Variants in C3orf49 observed in about 807,000 individuals in gnomAD.
C3orf49 encodes the protein putative uncharacterized protein C3orf49.
In C3orf49, 27 loss-of-function variants were observed where a neutral mutation model predicts 13.3. The observed-to-expected ratio is 2.02, with a 90% CI of 1.49 to 2.79. The LOEUF (loss-of-function observed/expected upper bound fraction) is 2.79, where lower values mean the gene tolerates loss of function less well. Among genes scored for constraint, C3orf49 ranks in the 30% most tolerant of loss-of-function variants. The pLI, the probability that C3orf49 is intolerant of heterozygous loss-of-function variation, is 0.00. For synonymous variants in C3orf49, 87 were observed against 47.6 expected (o/e 1.83, Z -3.40); for missense variants, 242 against 134.2 (o/e 1.80, Z -3.97).
chr3:63,838,877 A>G (rs564798362), intron 5 of C3orf49, among the ~76,000 whole-genome samples: 2 of 152,324 alleles, frequency 1.3e-5, no homozygotes, highest in South Asian at 4.1e-4. Flanking sequence ...CAAATGAGAA[A>G]AAGTTTGCTA....
In C3orf49 at chr3:63,848,599, T is replaced by G. The variant is rs1325845053; in HGVS notation, c.*266T>G. 4 of 152,234 alleles carry G rather than the reference T, an allele frequency of 2.6e-5. No homozygotes were observed. Among genetic ancestry groups the G allele is most frequent in the African/African-American group, 9.6e-5 (4 of 41,460 alleles). 9.4% of individuals were successfully genotyped at this position (152,234 alleles called of 1,614,324 possible). A position where few individuals can be genotyped will look rare whatever the true frequency, so the allele number is the denominator to read the frequency against. On this transcript the variant is annotated 3_prime_UTR_variant, in exon 7 of 7. Transcript: ENST00000295896. ...CAGGACCTCCTGATGCTGTGGCATG[T>G]CTTTAACCTTGGCAAAATAAACTCC...
At chr3:63,827,255 C>A in intron 2 of C3orf49, 1 of 171,740 alleles carries the variant, frequency 5.8e-6, no homozygotes, top group Non-Finnish European at 1.2e-5. Context: ...TTGCTTTAAT[C>A]CACAATGAAT....
the C3orf49 span, among the ~76,000 whole-genome samples, chr3:63,799,828 G>A: frequency 6.6e-6 from 1 of 152,110 alleles, no homozygotes; most frequent in Admixed American, 6.6e-5. Context: ...TTGGTACCAA[G>A]CCCATAGTTT....
chr3:63,793,460 G>A, the C3orf49 span, among the ~76,000 whole-genome samples: 4 of 151,416 alleles, frequency 2.6e-5, no homozygotes, highest in Admixed American at 6.6e-5. Flanking sequence ...CATTTCTCTG[G>A]ACAATTCCCT....
chr3:63,845,945 G>A lies in C3orf49; in HGVS notation c.*30+863G>A, dbSNP rs141259217. Among the ~76,000 whole-genome samples, 624 of 152,262 alleles carry A rather than the reference G, an allele frequency of 4.1e-3. 3 individuals carry two copies. The highest frequency in any genetic ancestry group is 0.015 in the African/African-American group (605 of 41,544). Reference sequence around the variant, plus strand: ...CACATGAAAAAGACTATTCATCTAAGAAGTGCACTCGAACCCCGAGCCTCC... The same window carrying A: ...CACATGAAAAAGACTATTCATCTAAAAAGTGCACTCGAACCCCGAGCCTCC... On this transcript the variant is annotated intron_variant, in intron 6 of 6. Coordinates refer to ENST00000295896, the MANE Select transcript of C3orf49 (RefSeq NM_001355236.2).
chr3:63,828,840 C>A (rs1328965991), intron 3 of C3orf49, among the ~76,000 whole-genome samples: 1 of 152,078 alleles, frequency 6.6e-6, no homozygotes, highest in Non-Finnish European at 1.5e-5. Flanking sequence ...GTGACAGAGC[C>A]AAGTTTCAAA....
chr3:63,833,012 T>G (rs1701553662), intron 5 of C3orf49: 1 of 152,048 alleles, frequency 6.6e-6, no homozygotes, highest in Non-Finnish European at 1.5e-5. Context: ...GTATTACACA[T>G]ATAATGAAAT....
the C3orf49 span, among the ~76,000 whole-genome samples, chr3:63,793,654 A>G: frequency 6.6e-6 from 1 of 152,114 alleles, no homozygotes; most frequent in Admixed American, 6.6e-5. Flanking sequence ...TCGTTTTAAA[A>G]TTGCAAACTA....
At chr3:63,816,853 A>G (rs544979013), upstream of C3orf49, among the ~76,000 whole-genome samples, 35 of 147,664 alleles carry the variant, frequency 2.4e-4, no homozygotes, top group Middle Eastern at 3.5e-3. Context: ...GCTCACTGCA[A>G]GCTCTGCCTC....
chr3:63,814,130 A>G, the C3orf49 span, among the ~76,000 whole-genome samples: 1 of 152,144 alleles, frequency 6.6e-6, no homozygotes, highest in Non-Finnish European at 1.5e-5. Context: ...AATGCTTGTG[A>G]GTATGTTTAA....
intron 2 of C3orf49, 44 bp downstream of exon 2, chr3:63,823,613 G>A: frequency 1.5e-6 from 1 of 664,580 alleles, no homozygotes; most frequent in Admixed American, 2.3e-5. Context: ...AGGCCAAGAG[G>A]AAGAGTGAAA....
chr3:63,793,573 C>T, the C3orf49 span, among the ~76,000 whole-genome samples: 1 of 151,908 alleles, frequency 6.6e-6, no homozygotes, highest in South Asian at 2.1e-4. Flanking sequence ...CTGCTGGCCT[C>T]ATTTCTTATT....
intron 5 of C3orf49, among the ~76,000 whole-genome samples, chr3:63,841,920 C>T (rs1674491552): frequency 1.3e-5 from 2 of 152,078 alleles, no homozygotes; most frequent in Admixed American, 6.5e-5. Flanking sequence ...TCTCAAGTCT[C>T]CAAGAAATAC....
At chr3:63,820,970 A>AT (rs1446397774) in intron 1 of C3orf49, among the ~76,000 whole-genome samples, 1 of 151,974 alleles carries the variant, frequency 6.6e-6, no homozygotes, top group Non-Finnish European at 1.5e-5. Flanking sequence ...AAGTTAATGG[A>AT]TTTTCCCCAT....
chr3:63,781,658 A>G, the C3orf49 span, among the ~76,000 whole-genome samples: 17 of 152,280 alleles, frequency 1.1e-4, no homozygotes, highest in Admixed American at 3.9e-4. Flanking sequence ...TTGTTTAAAA[A>G]GGAAAGATTG....
At chr3:63,790,192 G>A in the C3orf49 span, among the ~76,000 whole-genome samples, 1 of 152,166 alleles carries the variant, frequency 6.6e-6, no homozygotes, top group African/African-American at 2.4e-5. Flanking sequence ...TATGCAAGTG[G>A]AGTATGATTT....
intron 5 of C3orf49, among the ~76,000 whole-genome samples, chr3:63,837,359 T>C (rs1701656979): frequency 6.6e-6 from 1 of 152,008 alleles, no homozygotes. Flanking sequence ...TTACTTTTCT[T>C]CAATTTACAT....
the C3orf49 span, among the ~76,000 whole-genome samples, chr3:63,785,740 G>A: frequency 4.7e-3 from 708 of 151,968 alleles, 3 homozygotes; most frequent in Non-Finnish European, 7.0e-3. Context: ...CAAAATAATC[G>A]TGGCTTCACT....
At chr3:63,842,303 CA>C (rs1701779314) in intron 5 of C3orf49, among the ~76,000 whole-genome samples, 2 of 151,970 alleles carry the variant, frequency 1.3e-5, no homozygotes, top group African/African-American at 4.8e-5. Flanking sequence ...ATCAAAAAGA[CA>C]AACAATAACA....
Sources: gnomAD v4.1 joint callset for allele counts (sites outside exome capture counted in the v4.1 genomes callset) on GRCh38, gnomAD v4.1.1 for gene constraint, MANE v1.5 for transcripts, NCBI Gene and HGNC (gene_info 2026-07-23, HGNC 2026-07-21) for gene names.